NTM: variants seen among roughly 807,000 people sequenced by gnomAD.
NTM encodes neurotrimin, also known as IgLON family member 2.
NTM carries 13 observed loss-of-function variants against 42.1 expected under a neutral mutation model. The ratio of observed to expected loss-of-function variants is 0.31; its 90% confidence interval spans 0.20 to 0.49. The LOEUF is 0.49. Ranked by LOEUF, NTM falls within the 20% of genes least tolerant of loss-of-function variation. The pLI, the probability that NTM is intolerant of heterozygous loss-of-function variation, is 0.99. For missense variants in NTM, 373 were observed against 452.8 expected (o/e 0.82, Z 1.60); for synonymous variants, 187 against 179.2 (o/e 1.04, Z -0.35).
chr11:132,005,146 T>A (rs1227190231), intron 2 of NTM, among the ~76,000 whole-genome samples: 1 of 151,646 alleles, frequency 6.6e-6, no homozygotes, highest in Non-Finnish European at 1.5e-5. Context: ...AGTAAGGGAG[T>A]CTAAAAAAAT....
intron 4 of NTM, among the ~76,000 whole-genome samples, chr11:132,272,629 A>G (rs2093535589): frequency 2.0e-5 from 3 of 152,212 alleles, no homozygotes; most frequent in South Asian, 2.1e-4. Flanking sequence ...ATTCTTTTTG[A>G]TACTACGGTA....
At chr11:131,762,467 G>C (rs1364426035) in intron 1 of NTM, among the ~76,000 whole-genome samples, 3 of 152,216 alleles carry the variant, frequency 2.0e-5, no homozygotes, top group African/African-American at 7.2e-5. Flanking sequence ...TGGACAGATG[G>C]GCAGTGTGGG....
rs1430136930 is a variant in NTM at position 131,428,552 on chromosome 11, C to T, written c.82+57664C>T. On this transcript the variant is annotated intron_variant, in intron 1 of 8. Transcript: ENST00000683400. ...CTGGCCACCTCCTCGTGGTCACTCCCACACGACATGCTTCCCCCTCTTTGT... is the reference window on the plus strand; with the variant it reads ...CTGGCCACCTCCTCGTGGTCACTCCTACACGACATGCTTCCCCCTCTTTGT... Among the ~76,000 whole-genome samples, 3 of 152,190 alleles carry T rather than the reference C, an allele frequency of 2.0e-5. No homozygotes were observed. In the East Asian group the frequency reaches 5.8e-4, roughly 29 times the overall value.
intron 1 of NTM, among the ~76,000 whole-genome samples, chr11:131,433,989 G>T (rs919922870): frequency 6.6e-6 from 1 of 151,978 alleles, no homozygotes; most frequent in Non-Finnish European, 1.5e-5. Context: ...TAGGTTCCCC[G>T]CCCTGTTTCC....
At chr11:131,599,606 T>G (rs1159601565) in intron 1 of NTM, among the ~76,000 whole-genome samples, 1 of 152,230 alleles carries the variant, frequency 6.6e-6, no homozygotes, top group Non-Finnish European at 1.5e-5. Flanking sequence ...AATACCTCTG[T>G]GCTAAATATA....
chr11:132,314,739 AGAGGGTGCAGAACGGGAGAGCTGGGTGG>A (rs1467143147), intron 7 of NTM, 36 bp downstream of exon 7: 2 of 1,590,794 alleles, frequency 1.3e-6, no homozygotes, highest in African/African-American at 2.7e-5. Context: ...AGAAGAGGGG[AGAGGGTGCAGAACGGGAGAGCTGGGTGG>A]GAGGGCCCCT....
rs2076761996 is a variant in NTM at position 132,176,051 on chromosome 11, G to A, written c.400+29537G>A. Among the ~76,000 whole-genome samples the A allele has an allele frequency of 2.0e-5, 3 of 152,018 alleles. No individual in the cohort carries two copies. The South Asian group carries it at 6.2e-4, about 32-fold the overall frequency. On this transcript the variant is annotated intron_variant, in intron 3 of 8. Transcript: ENST00000683400. ...TCTAGTGTGGTTCCAATATATGCTT[G>A]ACACTAAAGAAAGGTTCATTGAATT...
chr11:132,195,788 A>G (rs1232696212), intron 3 of NTM, among the ~76,000 whole-genome samples: 3 of 152,186 alleles, frequency 2.0e-5, no homozygotes, highest in Non-Finnish European at 4.4e-5. Context: ...TTCTTTTACC[A>G]TATACAAAAT....
chr11:131,577,504 G>A (rs962821165), intron 1 of NTM, among the ~76,000 whole-genome samples: 3 of 152,176 alleles, frequency 2.0e-5, no homozygotes, highest in African/African-American at 7.2e-5. Context: ...CAGGCAGATT[G>A]CTTCCTTCCT....
rs144705094 is a variant in NTM, at chr11:131,983,516, C to A, written c.167+71868C>A. Among the ~76,000 whole-genome samples the A allele has an allele frequency of 2.0e-3, 299 of 151,886 alleles. 1 individual carries two copies. Among genetic ancestry groups the A allele is most frequent in the African/African-American group, 6.8e-3 (280 of 41,396 alleles). On this transcript the variant is annotated intron_variant, in intron 2 of 8. Coordinates refer to ENST00000683400, the MANE Select transcript of NTM (RefSeq NM_001352005.2). ...TCAGCCTCCCAAGTAGCTGGGATTC[C>A]AGGCATCTGCTACCACACCCAGCTA...
chr11:131,758,072 G>A (rs1225656653), intron 1 of NTM, among the ~76,000 whole-genome samples: 1 of 152,204 alleles, frequency 6.6e-6, no homozygotes, highest in Non-Finnish European at 1.5e-5. Flanking sequence ...GCTCCGCTGA[G>A]AGCAAGTAGC....
At chr11:131,571,323 C>T (rs910873534) in intron 1 of NTM, among the ~76,000 whole-genome samples, 5 of 152,284 alleles carry the variant, frequency 3.3e-5, no homozygotes, top group South Asian at 2.1e-4. Context: ...TGGCTCCAAG[C>T]GCCGTACTTG....
intron 1 of NTM, among the ~76,000 whole-genome samples, chr11:131,834,346 G>A (rs2043199476): frequency 6.6e-6 from 1 of 151,958 alleles, no homozygotes; most frequent in Admixed American, 6.6e-5. Context: ...CCATTTCTTT[G>A]ATTTAATTCC....
Position 132,149,332 on chromosome 11 carries a change from T to G in NTM, c.400+2818T>G, listed in dbSNP as rs553481834. 2.0e-5 allele frequency among the ~76,000 whole-genome samples: 3 copies of G among 152,250 alleles called. No individual in the cohort carries two copies. In the South Asian group the frequency reaches 6.2e-4, roughly 32 times the overall value. On this transcript the variant is annotated intron_variant, in intron 3 of 8. Coordinates refer to ENST00000683400, the MANE Select transcript of NTM (RefSeq NM_001352005.2). ...CTAGCAGAAGCTGACTCTCTGGATT[T>G]GAAGTTGCTATTCAGCCCTGAGCTT...
intron 2 of NTM, among the ~76,000 whole-genome samples, chr11:132,131,167 A>G (rs938455382): frequency 6.6e-6 from 1 of 152,226 alleles, no homozygotes; most frequent in Non-Finnish European, 1.5e-5. Context: ...TTCTAGTGGC[A>G]TAGCTCACAT....
chr11:131,565,778 T>A (rs1228846132), intron 1 of NTM, among the ~76,000 whole-genome samples: 1 of 152,206 alleles, frequency 6.6e-6, no homozygotes, highest in Non-Finnish European at 1.5e-5. Context: ...CTGAACACCC[T>A]GGACCTGGGG....
chr11:131,640,435 G>C (rs147787120), intron 1 of NTM, among the ~76,000 whole-genome samples: 1 of 152,334 alleles, frequency 6.6e-6, no homozygotes, highest in Non-Finnish European at 1.5e-5. Flanking sequence ...CCTCCCGTCA[G>C]AGGCTTCCTG....
chr11:131,659,927 A>G (rs2067741424), intron 1 of NTM, among the ~76,000 whole-genome samples: 1 of 152,248 alleles, frequency 6.6e-6, no homozygotes, highest in Non-Finnish European at 1.5e-5. Flanking sequence ...TTATTCAGGC[A>G]TAAGAAGAAG....
chr11:131,896,268 A>G (rs1283453704), intron 1 of NTM, among the ~76,000 whole-genome samples: 2 of 152,250 alleles, frequency 1.3e-5, no homozygotes, highest in African/African-American at 4.8e-5. Flanking sequence ...AACACCTATC[A>G]CATACTTCAA....
Sources: allele counts gnomAD v4.1 joint callset (sites outside exome capture counted in the v4.1 genomes callset), GRCh38; gene constraint gnomAD v4.1.1; transcripts MANE v1.5; gene names NCBI Gene and HGNC (gene_info 2026-07-23, HGNC 2026-07-21).